The following EPS8 variants were observed in gnomAD, a reference collection of about 807,000 sequenced individuals.
EPS8 encodes EGFR pathway substrate 8, signaling adaptor.
Under a neutral mutation model 103.8 loss-of-function variants are expected in EPS8, and 42 were observed. That is an observed-to-expected ratio of 0.40 (90% confidence interval 0.32 to 0.52). EPS8 has a LOEUF of 0.52. Ranked by LOEUF, EPS8 falls within the 20% of genes least tolerant of loss-of-function variation. The probability of loss-of-function intolerance (pLI) is 0.40; values close to 1 mark genes in which losing one functional copy is unlikely to be tolerated. For missense variants in EPS8, 969 were observed against 1,005.1 expected, an observed-to-expected ratio of 0.96 and a Z score of 0.49; for synonymous variants, 344 against 344.6, an observed-to-expected ratio of 1.00 and a Z score of 0.02.
chr12:15,626,825 C>G (rs1464325402), intron 18 of EPS8, among the ~76,000 whole-genome samples: 1 of 152,044 alleles, frequency 6.6e-6, no homozygotes, highest in Non-Finnish European at 1.5e-5. Context: ...AAAGGCCACT[C>G]TAGTCTGCTC....
Position 15,776,679 on chromosome 12 carries a change from C to A in EPS8, c.-22+12482G>T, listed in dbSNP as rs1436890668. Reference sequence around the variant, plus strand: ...TATACACTTAAATAATATATTGTTCCTTACAGCATATAATCAAAGTTCCCT... The same window carrying A: ...TATACACTTAAATAATATATTGTTCATTACAGCATATAATCAAAGTTCCCT... On this transcript the variant is annotated intron_variant, in intron 1 of 20. Coordinates refer to ENST00000281172, the MANE Select transcript of EPS8 (RefSeq NM_004447.6). This position sits in a 1 kb window ranked among gnomAD's most constrained non-coding sequence, Gnocchi z 4.2. 6.6e-6 allele frequency among the ~76,000 whole-genome samples: 1 copy of A among 152,040 alleles called. No homozygotes were observed. The highest frequency in any genetic ancestry group is 1.5e-5 in the Non-Finnish European group (1 of 68,004).
At chr12:15,651,688 G>A (rs1392413747) in intron 13 of EPS8, among the ~76,000 whole-genome samples, 3 of 152,068 alleles carry the variant, frequency 2.0e-5, no homozygotes, top group African/African-American at 7.2e-5. Context: ...GGACAAAAAC[G>A]AGGGCTTCAT....
intron 1 of EPS8, chr12:15,683,737 A>T (rs1213353988): frequency 1.3e-5 from 2 of 151,542 alleles, no homozygotes; most frequent in Non-Finnish European, 2.9e-5. Context: ...TCTTTACCAA[A>T]TGGAATGGCC....
rs771542458 is a variant in EPS8, at chr12:15,631,486, C to G, written c.2000G>C (p.Ser667Thr). 2.5e-6 allele frequency: 4 copies of G among 1,613,952 alleles called. No individual in the cohort carries two copies. Residue 667 changes from serine (S) to threonine (T), a missense_variant, in exon 18 of 21, where the codon AGT becomes ACT. By Grantham distance (58) the Ser-to-Thr change is moderately conservative. Coordinates refer to ENST00000281172, the MANE Select transcript of EPS8 (RefSeq NM_004447.6). ...QNSSSSDSGGSIVRDSQRHKQ... is the reference protein window; with the variant it reads ...QNSSSSDSGGTIVRDSQRHKQ... ...GTGTCTCTGGCTGTCTCGCACGATA[C>G]TGCCACCACTGTCACTGGAGCTGCT...
Position 15,735,030 on chromosome 12 carries a change from C to T in EPS8, c.-21-52058G>A, listed in dbSNP as rs542591997. On this transcript the variant is annotated intron_variant, in intron 1 of 20. Transcript: ENST00000281172. The surrounding 1 kb of genome is among the most constrained non-coding windows in gnomAD (Gnocchi z 4.4). ...TTGACAGGGAGCTCCGAATGCCTAGCCTGGAACCCTCACCACGACTTCACA... is the reference window on the plus strand; with the variant it reads ...TTGACAGGGAGCTCCGAATGCCTAGTCTGGAACCCTCACCACGACTTCACA... Among the ~76,000 whole-genome samples, 12 of 152,224 alleles carry T rather than the reference C, an allele frequency of 7.9e-5. No individual in the cohort carries two copies. The South Asian group carries it at 2.5e-3, about 32-fold the overall frequency.
At position 15,690,369 on chromosome 12, in the gene EPS8, A is replaced by G. The variant is rs1208932831; in HGVS notation, c.-21-7397T>C. On this transcript the variant is annotated intron_variant, in intron 1 of 20. Coordinates refer to ENST00000281172, the MANE Select transcript of EPS8 (RefSeq NM_004447.6). This position sits in a 1 kb window ranked among gnomAD's most constrained non-coding sequence, Gnocchi z 4.7. ...ACTCTTTAAAAAGCATAAGAATTCT[A>G]TTTTTTTAAAGGTTAACTAAATCTT... Among the ~76,000 whole-genome samples, 1 of 152,096 alleles carries G rather than the reference A, an allele frequency of 6.6e-6. No homozygotes were observed. Among genetic ancestry groups the G allele is most frequent in the African/African-American group, 2.4e-5 (1 of 41,410 alleles).
At position 15,621,392 on chromosome 12, in the gene EPS8, T is replaced by C. The variant is rs150370052; in HGVS notation, c.2394A>G (p.Arg798=). Reference sequence around the variant, plus strand: ...CAGCACTGATTTTTTCCTGTCGTCTTCTCATAATTTCTTGTAACTCGGAGC... The same window carrying C: ...CAGCACTGATTTTTTCCTGTCGTCTCCTCATAATTTCTTGTAACTCGGAGC... ...SGSSELQEIM[R]RRQEKISAAA... The change falls in exon 21 of 21, where the codon AGA becomes AGG. Residue 798 remains arginine, a synonymous_variant. Transcript: ENST00000281172. 50 of 1,604,910 alleles carry C rather than the reference T, an allele frequency of 3.1e-5. No individual in the cohort carries two copies. The highest frequency in any genetic ancestry group is 4.2e-5 in the Non-Finnish European group (49 of 1,176,384).
At position 15,733,172 on chromosome 12, in the gene EPS8, T is replaced by C. The variant is rs1374115560; in HGVS notation, c.-21-50200A>G. Among the ~76,000 whole-genome samples the C allele has an allele frequency of 6.6e-6, 1 of 152,166 alleles. No individual in the cohort carries two copies. The highest frequency in any genetic ancestry group is 1.5e-5 in the Non-Finnish European group (1 of 68,024). On this transcript the variant is annotated intron_variant, in intron 1 of 20. Coordinates refer to ENST00000281172, the MANE Select transcript of EPS8 (RefSeq NM_004447.6). The surrounding 1 kb of genome is among the most constrained non-coding windows in gnomAD (Gnocchi z 4.8). Reference sequence around the variant, plus strand: ...TGGGTAATTTATAAAGGAAAGAGGTTTAATTGACTCACAGTTCCACGGGCT... The same window carrying C: ...TGGGTAATTTATAAAGGAAAGAGGTCTAATTGACTCACAGTTCCACGGGCT...
chr12:15,694,059 A>G (rs1029038000), intron 1 of EPS8, among the ~76,000 whole-genome samples: 1 of 152,204 alleles, frequency 6.6e-6, no homozygotes, highest in Non-Finnish European at 1.5e-5. Context: ...CTTCAAGTAA[A>G]ATTTTTCAAA....
In EPS8 at chr12:15,728,038, T is replaced by C. The variant is rs777112617; in HGVS notation, c.-21-45066A>G. The C allele has an allele frequency of 5.9e-5, 9 of 152,224 alleles. No homozygotes were observed. Among genetic ancestry groups the C allele is most frequent in the Non-Finnish European group, 1.0e-4 (7 of 68,044 alleles). The allele number at this position is 152,224 out of a possible 1,614,324, so 9.4% of individuals were successfully genotyped here. ...AAGCCCTGTGAAATGAGTAAGCCCC[T>C]GCTACTTAGCACTGAAAGGGAATAA... is the stretch of plus-strand genomic sequence containing the variant. On this transcript the variant is annotated intron_variant, in intron 1 of 20. Transcript: ENST00000281172. The surrounding 1 kb of genome is among the most constrained non-coding windows in gnomAD (Gnocchi z 4.5).
At position 15,696,618 on chromosome 12, in the gene EPS8, C is replaced by T. The variant is rs543084328; in HGVS notation, c.-21-13646G>A. ...ATCGCACCATTGAACTCCAGCCTGG[C>T]GACAGAGCGAGACTCTGTCTCAAAT... On this transcript the variant is annotated intron_variant, in intron 1 of 20. Transcript: ENST00000281172. This position sits in a 1 kb window ranked among gnomAD's most constrained non-coding sequence, Gnocchi z 4.8. 1.1e-4 allele frequency among the ~76,000 whole-genome samples: 16 copies of T among 151,918 alleles called. No homozygotes were observed. The highest frequency in any genetic ancestry group is 2.1e-4 in the South Asian group (1 of 4,792).
rs1946057722 is a variant in EPS8 at position 15,684,252 on chromosome 12, C to T, written c.-21-1280G>A. On this transcript the variant is annotated intron_variant, in intron 1 of 20. Transcript: ENST00000281172. The surrounding 1 kb of genome is among the most constrained non-coding windows in gnomAD (Gnocchi z 4.9). The stretch of plus-strand genomic sequence containing the variant: ...TTCGAGTTAATTCTGTCTCATTCTT[C>T]AGATCTCAGTTCAATCACAATGTCC... 1.3e-5 allele frequency: 2 copies of T among 152,280 alleles called. No homozygotes were observed. The highest frequency in any genetic ancestry group is 4.1e-4 in the South Asian group (2 of 4,828). The allele number at this position is 152,280 out of a possible 1,614,324, so 9.4% of individuals were successfully genotyped here.
intron 13 of EPS8, among the ~76,000 whole-genome samples, chr12:15,652,001 A>G (rs892642026): frequency 5.3e-5 from 8 of 152,340 alleles, no homozygotes; most frequent in African/African-American, 1.7e-4. Context: ...AGCCTGAGCT[A>G]TATTTGTAAT....
Position 15,736,540 on chromosome 12 carries a change from G to A in EPS8, c.-22+52621C>T, listed in dbSNP as rs1331321677. On this transcript the variant is annotated intron_variant, in intron 1 of 20. Coordinates refer to ENST00000281172, the MANE Select transcript of EPS8 (RefSeq NM_004447.6). The surrounding 1 kb of genome is among the most constrained non-coding windows in gnomAD (Gnocchi z 4.2). ...GAACTTCTGCATTTTACTCACAGAA[G>A]ATGCCCTCAAGCTTGGTTAAGATCT... Among the ~76,000 whole-genome samples, 1 of 152,178 alleles carries A rather than the reference G, an allele frequency of 6.6e-6. No individual in the cohort carries two copies. Among genetic ancestry groups the A allele is most frequent in the Non-Finnish European group, 1.5e-5 (1 of 68,028 alleles).
At chr12:15,660,277 CT>C (rs758054887) in intron 10 of EPS8, among the ~76,000 whole-genome samples, 696 of 140,900 alleles carry the variant, frequency 4.9e-3, no homozygotes, top group Admixed American at 4.4e-3. Context: ...TACCAGAGTT[CT>C]TTTTTTTTTT....
chr12:15,781,044 T>C lies in EPS8; in HGVS notation c.-22+8117A>G, dbSNP rs1026453307. Among the ~76,000 whole-genome samples, 1 of 152,146 alleles carries C rather than the reference T, an allele frequency of 6.6e-6. No homozygotes were observed. Among genetic ancestry groups the C allele is most frequent in the Non-Finnish European group, 1.5e-5 (1 of 68,012 alleles). On this transcript the variant is annotated intron_variant, in intron 1 of 20. Coordinates refer to ENST00000281172, the MANE Select transcript of EPS8 (RefSeq NM_004447.6). This position sits in a 1 kb window ranked among gnomAD's most constrained non-coding sequence, Gnocchi z 4.1. Reference sequence around the variant, plus strand: ...TGCCCTTGAGAAGCTTTAAATACAATGAGGGAAAGAAAGAAATAACTAGCT... The same window carrying C: ...TGCCCTTGAGAAGCTTTAAATACAACGAGGGAAAGAAAGAAATAACTAGCT...
chr12:15,632,707 T>C (rs530332268), intron 17 of EPS8, among the ~76,000 whole-genome samples: 1 of 152,328 alleles, frequency 6.6e-6, no homozygotes, highest in East Asian at 1.9e-4. Context: ...TATCAGGTAG[T>C]ATTGATTTTA....
intron 1 of EPS8, among the ~76,000 whole-genome samples, chr12:15,709,424 G>A (rs1343007549): frequency 6.6e-6 from 1 of 151,996 alleles, no homozygotes; most frequent in Non-Finnish European, 1.5e-5. Context: ...ATTACACCAC[G>A]TGTCAAGAAA....
At chr12:15,624,098 A>C in intron 19 of EPS8, 129 bp downstream of exon 19, 1 of 683,188 alleles carries the variant, frequency 1.5e-6, no homozygotes, top group Non-Finnish European at 2.5e-6. Flanking sequence ...TGAGTTCTTG[A>C]GTATGGCACA....
Sources: gnomAD v4.1 joint callset for allele counts (sites outside exome capture counted in the v4.1 genomes callset) on GRCh38, gnomAD v4.1.1 for gene constraint, Gnocchi (gnomAD v3.1) non-coding constraint, MANE v1.5 for transcripts, NCBI Gene and HGNC (gene_info 2026-07-23, HGNC 2026-07-21) for gene names.